Variants in PRDM15 observed in about 807,000 individuals in gnomAD.
PRDM15 encodes PR domain zinc finger protein 15.
PRDM15 carries 64 observed loss-of-function variants against 128.6 expected under a neutral mutation model. The observed-to-expected ratio is 0.50, with a 90% confidence interval of 0.41 to 0.61. The LOEUF (loss-of-function observed/expected upper bound fraction) is 0.61. Ranked by LOEUF, PRDM15 falls within the 20% of genes least tolerant of loss-of-function variation. PRDM15 has a pLI of 0.00. For synonymous variants in PRDM15, 615 were observed against 621.8 expected, an observed-to-expected ratio of 0.99 and a Z score of 0.16; for missense variants, 1,242 against 1,569.1, an observed-to-expected ratio of 0.79 and a Z score of 3.52.
At chr21:41,812,835 T>C (rs1291626229) in intron 19 of PRDM15, 1 of 152,246 alleles carries the variant, frequency 6.6e-6, no homozygotes, top group African/African-American at 2.4e-5. Flanking sequence ...AGGGGAGAAC[T>C]GGGGAGTGTG....
chr21:41,826,118 A>T (rs2062461994), intron 12 of PRDM15, 64 bp from the exon 13 acceptor site: 1 of 1,334,670 alleles, frequency 7.5e-7, no homozygotes, highest in East Asian at 2.3e-5. Flanking sequence ...GGTCCATCAG[A>T]TTCCACTTCA....
chr21:41,830,328 A>AAC (rs2062641878), intron 11 of PRDM15, among the ~76,000 whole-genome samples: 1 of 151,526 alleles, frequency 6.6e-6, no homozygotes, highest in Non-Finnish European at 1.5e-5. Flanking sequence ...CAACACATAC[A>AAC]CCACACACAA....
chr21:41,862,154 T>C lies in PRDM15; in HGVS notation c.-9-1782A>G, dbSNP rs927798388. On this transcript the variant is annotated intron_variant, in intron 1 of 23. Coordinates refer to ENST00000398548, the MANE Select transcript of PRDM15 (RefSeq NM_001040424.3). The surrounding 1 kb of genome is among the most constrained non-coding windows in gnomAD (Gnocchi z 4.1). Reference sequence around the variant, plus strand: ...ACGCTTTCATGAGTTGCTGCTGTGCTACTGGAGGTGTAGGACCTGCGTGCC... The same window carrying C: ...ACGCTTTCATGAGTTGCTGCTGTGCCACTGGAGGTGTAGGACCTGCGTGCC... The C allele has an allele frequency of 2.4e-5, 16 of 660,654 alleles. No homozygotes were observed. Among genetic ancestry groups the C allele is most frequent in the Non-Finnish European group, 3.5e-5 (13 of 367,322 alleles). The allele number at this position is 660,654 out of a possible 1,614,324, so 40.9% of individuals were successfully genotyped here. A position where few individuals can be genotyped will look rare whatever the true frequency, so the allele number is the denominator to read the frequency against.
intron 6 of PRDM15, among the ~76,000 whole-genome samples, chr21:41,842,476 T>C (rs1417007336): frequency 6.6e-6 from 1 of 152,250 alleles, no homozygotes; most frequent in African/African-American, 2.4e-5. Flanking sequence ...TGCACCAATA[T>C]ATGTTTATGA....
At chr21:41,868,956 G>A (rs910327689) in intron 1 of PRDM15, among the ~76,000 whole-genome samples, 2 of 152,150 alleles carry the variant, frequency 1.3e-5, no homozygotes, top group African/African-American at 2.4e-5. Flanking sequence ...CCAAAGTGCT[G>A]GGATTCCAGG....
chr21:41,852,544 G>A (rs1421703442), intron 5 of PRDM15, among the ~76,000 whole-genome samples: 1 of 152,280 alleles, frequency 6.6e-6, no homozygotes, highest in Non-Finnish European at 1.5e-5. Flanking sequence ...GCAGCTGGGT[G>A]AAGAGCAGTG....
chr21:41,825,409 G>A (rs77853198), intron 13 of PRDM15, among the ~76,000 whole-genome samples: 3,302 of 152,260 alleles, frequency 0.022, 113 homozygotes, highest in African/African-American at 0.075. Flanking sequence ...CCCCCTCACC[G>A]TGCAGCCCTC....
In PRDM15 at chr21:41,821,126, G is replaced by A. The variant is rs1427411376; in HGVS notation, c.2001C>T (p.Ala667=). ...SICNRRFALK[A]TYHAHMVIHR... is the part of the protein sequence containing the mutation. ...GGATGACCATGTGGGCGTGGTAGGT[G>A]GCCTTCAGTGCAAAGCGCCGGTTGC... Residue 667 remains alanine, a synonymous_variant, in exon 16 of 24, where the codon GCC becomes GCT. Transcript: ENST00000398548. The surrounding 1 kb of genome is among the most constrained non-coding windows in gnomAD (Gnocchi z 5.4). 6 of 1,614,124 alleles carry A rather than the reference G, an allele frequency of 3.7e-6. No individual in the cohort carries two copies. Among genetic ancestry groups the A allele is most frequent in the Admixed American group, 1.7e-5 (1 of 60,008 alleles).
intron 1 of PRDM15, chr21:41,861,671 G>A (rs752282669): frequency 6.2e-6 from 10 of 1,614,020 alleles, no homozygotes; most frequent in South Asian, 5.5e-5. Flanking sequence ...CCTCCACCCC[G>A]CTCATCCCCA....
At chr21:41,815,254 C>T (rs1279576232) in intron 19 of PRDM15, among the ~76,000 whole-genome samples, 1 of 152,226 alleles carries the variant, frequency 6.6e-6, no homozygotes, top group Non-Finnish European at 1.5e-5. Flanking sequence ...ACACATCACC[C>T]GAGCGGACAC....
chr21:41,803,023 G>A (rs1206011034), intron 22 of PRDM15, 102 bp from the exon 23 acceptor site: 20 of 885,742 alleles, frequency 2.3e-5, no homozygotes, highest in African/African-American at 3.3e-5. Flanking sequence ...TCCAATCAGT[G>A]GGGACGCTTG....
rs183983120 is a variant in PRDM15, at chr21:41,858,958, A to G, written c.131+634T>C. On this transcript the variant is annotated intron_variant, in intron 3 of 23. Transcript: ENST00000398548. ...AGGTACCATCACCCACAACACCACA[A>G]CCACCCCACGGGAACTGCCATCCTC... The G allele has an allele frequency of 1.7e-5, 21 of 1,201,096 alleles. No homozygotes were observed. The Admixed American group carries it at 4.5e-4, about 26-fold the overall frequency. 74.4% of individuals were successfully genotyped at this position (1,201,096 alleles called of 1,614,324 possible). A position where few individuals can be genotyped will look rare whatever the true frequency, so the allele number is the denominator to read the frequency against.
Position 41,799,704 on chromosome 21 carries a change from A to G in PRDM15, c.*1536T>C, listed in dbSNP as rs955749915. 1 of 152,576 alleles carries G rather than the reference A, an allele frequency of 6.6e-6. No homozygotes were observed. The highest frequency in any genetic ancestry group is 1.5e-5 in the Non-Finnish European group (1 of 68,058). The allele number at this position is 152,576 out of a possible 1,614,324, so 9.5% of individuals were successfully genotyped here. A position where few individuals can be genotyped will look rare whatever the true frequency, so the allele number is the denominator to read the frequency against. Reference sequence around the variant, plus strand: ...CATCCTTTGTTCTGCTGGCAACATCAGGACTGCTCCTGATCAATTACTCAG... The same window carrying G: ...CATCCTTTGTTCTGCTGGCAACATCGGGACTGCTCCTGATCAATTACTCAG... On this transcript the variant is annotated 3_prime_UTR_variant, in exon 24 of 24. Coordinates refer to ENST00000398548, the MANE Select transcript of PRDM15 (RefSeq NM_001040424.3).
rs565670671 is a variant in PRDM15, at chr21:41,843,007, A to T, written c.641-3154T>A. 7.4e-5 allele frequency among the ~76,000 whole-genome samples: 11 copies of T among 149,230 alleles called. No homozygotes were observed. In the South Asian group the frequency reaches 2.3e-3, roughly 32 times the overall value. On this transcript the variant is annotated intron_variant, in intron 6 of 23. Coordinates refer to ENST00000398548, the MANE Select transcript of PRDM15 (RefSeq NM_001040424.3). ...ACCATAATGGCCAGGCTGGTCTCAA[A>T]CTCCTGACCTCAGGTGATCCACCTG... is the stretch of plus-strand genomic sequence containing the variant.
At chr21:41,834,069 G>C (rs17113960) in intron 11 of PRDM15, among the ~76,000 whole-genome samples, 8,956 of 152,234 alleles carry the variant, frequency 0.059, 314 homozygotes, top group Middle Eastern at 0.12. Flanking sequence ...TGATAGGAGG[G>C]CTTAAAATGC....
chr21:41,805,027 C>T (rs2061518611), intron 21 of PRDM15, among the ~76,000 whole-genome samples: 1 of 152,236 alleles, frequency 6.6e-6, no homozygotes, highest in African/African-American at 2.4e-5. Context: ...TTGTGCCTTA[C>T]ACATCGTACT....
intron 3 of PRDM15, among the ~76,000 whole-genome samples, chr21:41,858,419 C>T (rs1260815968): frequency 6.6e-6 from 1 of 151,592 alleles, no homozygotes; most frequent in Admixed American, 6.6e-5. Context: ...ATTGGGTGCC[C>T]AGAGCACAGG....
At position 41,801,367 on chromosome 21, in the gene PRDM15, G is replaced by A. The variant is rs763162674; in HGVS notation, c.3299C>T (p.Pro1100Leu). 1.4e-5 allele frequency: 23 copies of A among 1,609,722 alleles called. No homozygotes were observed. In the Admixed American group the frequency reaches 1.7e-4, roughly 12 times the overall value. The change falls in exon 24 of 24, where the codon CCG becomes CTG. Residue 1100 changes from proline to leucine, a missense_variant. Coordinates refer to ENST00000398548, the MANE Select transcript of PRDM15 (RefSeq NM_001040424.3). ...CTGGGGCACTGCCCGCCACGTGAGC[G>A]GGTGCTGGTCACTAAGCTGGCTCCC... Reference protein sequence around the residue: ...PLGSQLSDQHPLTWRAVPQTD... With the variant: ...PLGSQLSDQHLLTWRAVPQTD...
rs1051508187 is a variant in PRDM15, at chr21:41,799,622, C to CAA, written c.*1616_*1617dup. ...ACAAAACAAATTCCAGCCCTGTCCT[C>CAA]AAAAGTCTGCTGTTTGGAGTGAAGT... is the stretch of plus-strand genomic sequence containing the variant. On this transcript the variant is annotated 3_prime_UTR_variant, in exon 24 of 24. Transcript: ENST00000398548. 1 of 152,194 alleles carries CAA rather than the reference C, an allele frequency of 6.6e-6. No individual in the cohort carries two copies. Among genetic ancestry groups the CAA allele is most frequent in the African/African-American group, 2.4e-5 (1 of 41,424 alleles). The allele number at this position is 152,194 out of a possible 1,614,324, so 9.4% of individuals were successfully genotyped here.
Sources: allele counts gnomAD v4.1 joint callset (sites outside exome capture counted in the v4.1 genomes callset), GRCh38; gene constraint gnomAD v4.1.1; non-coding constraint Gnocchi (gnomAD v3.1); transcripts MANE v1.5; gene names NCBI Gene and HGNC (gene_info 2026-07-23, HGNC 2026-07-21).